USP34: variants seen among roughly 807,000 people sequenced by gnomAD.
The protein encoded by USP34 is ubiquitin specific peptidase 34, also known as ubiquitin carboxyl-terminal hydrolase 34.
A neutral mutation model predicts 460.3 loss-of-function variants in USP34; 70 were observed. The ratio of observed to expected loss-of-function variants is 0.15; its 90% CI spans 0.13 to 0.19. The LOEUF is 0.19. USP34 is among the 10% of genes least tolerant of loss of function. The probability of loss-of-function intolerance (pLI) is 1.00; values close to 1 mark genes in which losing one functional copy is unlikely to be tolerated. For missense variants in USP34, 3,985 were observed against 4,236.2 expected, an observed-to-expected ratio of 0.94 and a Z score of 1.65; for synonymous variants, 1,647 against 1,405.3, an observed-to-expected ratio of 1.17 and a Z score of -3.85.
At chr2:61,248,814 A>AG (rs1270609061) in intron 48 of USP34, 131 bp from the exon 49 acceptor site, 22 of 776,150 alleles carry the variant, frequency 2.8e-5, no homozygotes. Context: ...CCTTATCCAC[A>AG]GGGGATACCT....
intron 3 of USP34, among the ~76,000 whole-genome samples, chr2:61,396,643 C>G (rs746655416): frequency 2.0e-5 from 3 of 152,094 alleles, no homozygotes; most frequent in Non-Finnish European, 2.9e-5. Flanking sequence ...CGCCCACCAC[C>G]ATGCCCGGCT....
At chr2:61,378,262 A>G (rs919321239) in intron 8 of USP34, 101 bp downstream of exon 8, 4 of 851,212 alleles carry the variant, frequency 4.7e-6, no homozygotes, top group African/African-American at 3.6e-5. Context: ...AAGGGCAAAG[A>G]ATTTCTAGTA....
chr2:61,206,602 A>G (rs1687127341), intron 71 of USP34, among the ~76,000 whole-genome samples, 158 bp downstream of exon 71: 1 of 152,212 alleles, frequency 6.6e-6, no homozygotes. Context: ...TTACATCAGG[A>G]GTTCATGACA....
At chr2:61,282,519 G>A (rs928795532) in intron 37 of USP34, among the ~76,000 whole-genome samples, 20 of 152,002 alleles carry the variant, frequency 1.3e-4, no homozygotes, top group South Asian at 2.1e-4. Flanking sequence ...TGGGTGCAGC[G>A]GCTCATGCCT....
chr2:61,242,496 C>T (rs1171169825), intron 51 of USP34, among the ~76,000 whole-genome samples: 2 of 149,290 alleles, frequency 1.3e-5, no homozygotes, highest in African/African-American at 5.1e-5. Context: ...CACACACACA[C>T]ACACACGATG....
Position 61,188,288 on chromosome 2 carries a change from G to A in USP34, c.10455C>T (p.Ser3485=), listed in dbSNP as rs1324764915. ...AVLSDLADLR[S]CDGQALPSQD... is the part of the protein sequence containing the mutation. Reference sequence around the variant, plus strand: ...GGGAGGGCAAAGCTTGGCCATCACAGCTTCTCAAGTCAGCTAAGTCAGACA... The same window carrying A: ...GGGAGGGCAAAGCTTGGCCATCACAACTTCTCAAGTCAGCTAAGTCAGACA... Residue 3485 remains serine (S), a synonymous_variant, in exon 80 of 80, where the codon AGC becomes AGT. Transcript: ENST00000398571. 1 of 1,613,802 alleles carries A rather than the reference G, an allele frequency of 6.2e-7. No individual in the cohort carries two copies. Among genetic ancestry groups the A allele is most frequent in the Non-Finnish European group, 8.5e-7 (1 of 1,180,030 alleles).
chr2:61,367,180 G>A (rs1015138965), intron 10 of USP34, among the ~76,000 whole-genome samples: 6 of 152,166 alleles, frequency 3.9e-5, no homozygotes, highest in African/African-American at 1.4e-4. Flanking sequence ...ATTATGAAAC[G>A]TAACATAGAA....
At chr2:61,377,989 A>G (rs1692847028) in intron 8 of USP34, among the ~76,000 whole-genome samples, 1 of 152,212 alleles carries the variant, frequency 6.6e-6, no homozygotes, top group South Asian at 2.1e-4. Flanking sequence ...ACTGAGCAAC[A>G]TGGCAAAACT....
At chr2:61,283,291 G>C in intron 36 of USP34, 22 bp from the exon 37 acceptor site, 1 of 1,607,782 alleles carries the variant, frequency 6.2e-7, no homozygotes, top group South Asian at 1.1e-5. Flanking sequence ...TTAGAAAACA[G>C]TTCACTATAA....
At chr2:61,323,975 G>T (rs1691007439) in intron 21 of USP34, among the ~76,000 whole-genome samples, 1 of 152,130 alleles carries the variant, frequency 6.6e-6, no homozygotes, top group Non-Finnish European at 1.5e-5. Context: ...AAAAGAAACA[G>T]ACTTTAAATA....
Position 61,441,786 on chromosome 2 carries a change from G to A in USP34, c.44-20953C>T, listed in dbSNP as rs79756675. On this transcript the variant is annotated intron_variant, in intron 1 of 79. Transcript: ENST00000398571. Reference sequence around the variant, plus strand: ...ACTGAACTACAGCCTGGGCAACAGAGAGAGAGACTGCATTACAAAAAAAAA... The same window carrying A: ...ACTGAACTACAGCCTGGGCAACAGAAAGAGAGACTGCATTACAAAAAAAAA... Among the ~76,000 whole-genome samples, 446 of 121,032 alleles carry A rather than the reference G, an allele frequency of 3.7e-3. 11 individuals are homozygous for A. In the East Asian group the frequency reaches 0.051, roughly 14 times the overall value. The allele number at this position is 121,032 out of a possible 152,430, so 79.4% of individuals were successfully genotyped here.
rs577314106 is a variant in USP34 at position 61,193,365 on chromosome 2, TAAAAAAA to T, written c.9509-392_9509-386del. On this transcript the variant is annotated intron_variant, in intron 75 of 79. Transcript: ENST00000398571. Reference sequence around the variant, plus strand: ...ACTGCAGGAGGGAGGAGGGGAAAGGTAAAAAAAAAAAAAAAAAAAAAAAAGTGGAGAA... The same window carrying T: ...ACTGCAGGAGGGAGGAGGGGAAAGGTAAAAAAAAAAAAAAAAAGTGGAGAA... The T allele has an allele frequency of 5.4e-3, 521 of 97,236 alleles. 5 individuals are homozygous for T. Among genetic ancestry groups the T allele is most frequent in the African/African-American group, 0.016 (418 of 26,690 alleles). 6.0% of individuals were successfully genotyped at this position (97,236 alleles called of 1,614,324 possible). A position where few individuals can be genotyped will look rare whatever the true frequency, so the allele number is the denominator to read the frequency against.
intron 10 of USP34, among the ~76,000 whole-genome samples, chr2:61,368,198 C>G (rs879299120): frequency 1.3e-5 from 2 of 152,050 alleles, no homozygotes; most frequent in Non-Finnish European, 2.9e-5. Context: ...CTTTGTGAGG[C>G]CAAGGCGGAA....
intron 10 of USP34, among the ~76,000 whole-genome samples, chr2:61,369,805 A>G (rs1000538564): frequency 2.6e-5 from 4 of 151,728 alleles, no homozygotes; most frequent in East Asian, 3.9e-4. Flanking sequence ...GGTATGCTAC[A>G]TTTGTGAAAA....
intron 75 of USP34, among the ~76,000 whole-genome samples, chr2:61,199,362 T>G (rs1043242485): frequency 6.6e-6 from 1 of 152,134 alleles, no homozygotes; most frequent in African/African-American, 2.4e-5. Context: ...CTCAAGCGAT[T>G]CTCCTGCCTC....
intron 34 of USP34, 47 bp downstream of exon 34, chr2:61,288,630 T>A: frequency 1.3e-6 from 2 of 1,580,668 alleles, no homozygotes. Flanking sequence ...CTTCAGTTTA[T>A]AAAAATAAAT....
chr2:61,426,102 G>C (rs1340804142), intron 1 of USP34, among the ~76,000 whole-genome samples: 1 of 152,260 alleles, frequency 6.6e-6, no homozygotes, highest in Non-Finnish European at 1.5e-5. Flanking sequence ...CGATATCCAA[G>C]TACTACATTG....
At chr2:61,306,360 G>A (rs1690403969) in intron 27 of USP34, among the ~76,000 whole-genome samples, 1 of 152,134 alleles carries the variant, frequency 6.6e-6, no homozygotes, top group Admixed American at 6.5e-5. Flanking sequence ...TGTCAGGTTT[G>A]TCAAAGAACA....
intron 78 of USP34, 56 bp downstream of exon 78, chr2:61,190,215 C>A: frequency 6.5e-7 from 1 of 1,534,116 alleles, no homozygotes; most frequent in Non-Finnish European, 8.8e-7. Context: ...GAAGGCCACA[C>A]AGTTAACTGA....
Sources: gnomAD v4.1 joint callset for allele counts (sites outside exome capture counted in the v4.1 genomes callset) on GRCh38, gnomAD v4.1.1 for gene constraint, MANE v1.5 for transcripts, NCBI Gene and HGNC (gene_info 2026-07-23, HGNC 2026-07-21) for gene names.